NAV2: variants seen among roughly 807,000 people sequenced by gnomAD.
NAV2 encodes the protein helicase, APC down-regulated 1.
In NAV2, 54 loss-of-function variants were observed where a neutral mutation model predicts 223.2. That is an observed-to-expected ratio of 0.24 (90% CI 0.19 to 0.30). The LOEUF (loss-of-function observed/expected upper bound fraction) is 0.30. Among genes scored for constraint, NAV2 ranks in the 10% least tolerant of loss-of-function variants. The pLI, the probability that NAV2 is intolerant of heterozygous loss-of-function variation, is 1.00. For missense variants in NAV2, 2,806 were observed against 3,147.5 expected, an observed-to-expected ratio of 0.89 and a Z score of 2.60; for synonymous variants, 1,279 against 1,239.3, an observed-to-expected ratio of 1.03 and a Z score of -0.67.
intron 14 of NAV2, among the ~76,000 whole-genome samples, chr11:20,047,341 G>T (rs1356991533): frequency 1.3e-5 from 2 of 152,098 alleles, no homozygotes; most frequent in East Asian, 1.9e-4. Context: ...AAATCGTTAA[G>T]GTATTCTTAG....
chr11:20,062,134 A>G (rs1229066676), intron 19 of NAV2, among the ~76,000 whole-genome samples, 173 bp from the exon 20 acceptor site: 13 of 152,194 alleles, frequency 8.5e-5, no homozygotes, highest in African/African-American at 2.9e-4. Flanking sequence ...TCCTTAGCAA[A>G]CTATTACTTA....
At chr11:19,374,309 G>GTTTTTTTTTTTTTTTTTTTTT (rs10533713) in intron 1 of NAV2, among the ~76,000 whole-genome samples, 2 of 124,594 alleles carry the variant, frequency 1.6e-5, no homozygotes, top group Non-Finnish European at 3.2e-5. Context: ...TTCCGAAAAG[G>GTTTTTTTTTTTTTTTTTTTTT]TTTTTTTTTT....
chr11:19,859,885 C>T (rs1241939121), intron 3 of NAV2, among the ~76,000 whole-genome samples: 2 of 140,696 alleles, frequency 1.4e-5, no homozygotes, highest in Middle Eastern at 4.3e-3. Flanking sequence ...CCCCCACCTC[C>T]CTCCCGGACG....
chr11:19,789,146 T>G (rs940312181), intron 1 of NAV2, among the ~76,000 whole-genome samples: 2 of 152,164 alleles, frequency 1.3e-5, no homozygotes, highest in African/African-American at 4.8e-5. Flanking sequence ...AGTTTAAAAT[T>G]GGTAATTGCA....
chr11:19,635,319 T>C (rs1393217774), intron 1 of NAV2, among the ~76,000 whole-genome samples: 1 of 152,178 alleles, frequency 6.6e-6, no homozygotes, highest in African/African-American at 2.4e-5. Context: ...TCAGATTTGC[T>C]TTTTAGACCA....
Position 19,948,850 on chromosome 11 carries a change from C to G in NAV2, c.2415C>G (p.Pro805=), listed in dbSNP as rs1822425958. 1.2e-6 allele frequency: 2 copies of G among 1,613,926 alleles called. No homozygotes were observed. The highest frequency in any genetic ancestry group is 1.7e-6 in the Non-Finnish European group (2 of 1,180,008). The change falls in exon 10 of 38, where the codon CCC becomes CCG. Residue 805 remains proline, a synonymous_variant. Transcript: ENST00000349880. ...CCCCCTCAATGGGCAATGGGTATCC[C>G]CCTCGAGCCAACGCCAGCAGGTTCA... ...GDAPSMGNGY[P]PRANASRFIN...
intron 1 of NAV2, among the ~76,000 whole-genome samples, chr11:19,667,966 T>G (rs1359072737): frequency 6.6e-6 from 1 of 152,200 alleles, no homozygotes; most frequent in African/African-American, 2.4e-5. Context: ...ACTGCCCTTA[T>G]ACTTCTAAGG....
At chr11:19,720,870 T>C (rs566122482) in intron 1 of NAV2, among the ~76,000 whole-genome samples, 10 of 152,300 alleles carry the variant, frequency 6.6e-5, no homozygotes, top group Admixed American at 2.0e-4. Context: ...CTTCAACAAA[T>C]CACATTTTCT....
At chr11:19,838,301 G>A (rs1244301928) in intron 2 of NAV2, among the ~76,000 whole-genome samples, 1 of 152,222 alleles carries the variant, frequency 6.6e-6, no homozygotes, top group South Asian at 2.1e-4. Context: ...GCTCAGACCC[G>A]ACCTATGATG....
intron 1 of NAV2, among the ~76,000 whole-genome samples, chr11:19,667,596 CATA>C (rs1411555108): frequency 6.6e-6 from 1 of 152,150 alleles, no homozygotes; most frequent in Admixed American, 6.5e-5. Flanking sequence ...GGTCCTAGAA[CATA>C]ATAATAGGTG....
intron 1 of NAV2, among the ~76,000 whole-genome samples, chr11:19,828,373 A>G (rs1191773953): frequency 6.6e-6 from 1 of 151,984 alleles, no homozygotes; most frequent in Admixed American, 6.6e-5. Context: ...GACCCTTTTA[A>G]CCCCTATTCT....
chr11:19,691,561 A>G (rs2152263318), intron 1 of NAV2, among the ~76,000 whole-genome samples: 1 of 151,672 alleles, frequency 6.6e-6, no homozygotes, highest in Middle Eastern at 3.4e-3. Flanking sequence ...TTTTATTTTT[A>G]TTTTTATTTA....
chr11:19,537,999 G>A (rs1385648740), intron 1 of NAV2, among the ~76,000 whole-genome samples: 2 of 152,178 alleles, frequency 1.3e-5, no homozygotes, highest in Non-Finnish European at 2.9e-5. Flanking sequence ...TCACATGACT[G>A]TTATGAGAAG....
intron 1 of NAV2, among the ~76,000 whole-genome samples, chr11:19,705,175 A>G (rs2049627223): frequency 6.6e-6 from 1 of 152,140 alleles, no homozygotes; most frequent in African/African-American, 2.4e-5. Context: ...ACAAGCAGAC[A>G]AACAAACAAA....
chr11:19,839,055 C>T (rs1290349283), intron 2 of NAV2, among the ~76,000 whole-genome samples: 1 of 152,168 alleles, frequency 6.6e-6, no homozygotes, highest in African/African-American at 2.4e-5. Context: ...GAAAGTGGGC[C>T]TTTTGCTGCT....
intron 1 of NAV2, among the ~76,000 whole-genome samples, chr11:19,476,725 T>A (rs1448228736): frequency 6.6e-6 from 1 of 152,216 alleles, no homozygotes; most frequent in African/African-American, 2.4e-5. Flanking sequence ...CAAATGAATT[T>A]ACTAGGAAAG....
chr11:19,346,233 T>G (rs186176288), upstream of NAV2, among the ~76,000 whole-genome samples: 1 of 152,296 alleles, frequency 6.6e-6, no homozygotes, highest in African/African-American at 2.4e-5. Flanking sequence ...TGTAAGTCTG[T>G]ATGTGTGTCT....
intron 14 of NAV2, among the ~76,000 whole-genome samples, chr11:20,048,511 C>T (rs2057683607): frequency 6.6e-6 from 1 of 152,188 alleles, no homozygotes; most frequent in African/African-American, 2.4e-5. Context: ...GTCTCAGCTG[C>T]AGCTTAGAAT....
chr11:20,013,128 A>T (rs564464350), intron 11 of NAV2, among the ~76,000 whole-genome samples: 1 of 152,330 alleles, frequency 6.6e-6, no homozygotes, highest in African/African-American at 2.4e-5. Flanking sequence ...TTTTTTGGCT[A>T]TGTGACCTTG....
Sources: gnomAD v4.1 joint callset for allele counts (sites outside exome capture counted in the v4.1 genomes callset) on GRCh38, gnomAD v4.1.1 for gene constraint, MANE v1.5 for transcripts, NCBI Gene and HGNC (gene_info 2026-07-23, HGNC 2026-07-21) for gene names.